Variants in GALNT13 observed in about 807,000 individuals in gnomAD.
GALNT13 encodes polypeptide N-acetylgalactosaminyltransferase 13.
A neutral mutation model predicts 64.2 loss-of-function variants in GALNT13; 28 were observed. The ratio of observed to expected loss-of-function variants is 0.44; its 90% CI spans 0.32 to 0.60. The LOEUF (loss-of-function observed/expected upper bound fraction) is 0.60, where lower values mean the gene tolerates loss of function less well. Among genes scored for constraint, GALNT13 ranks in the 20% least tolerant of loss-of-function variants. GALNT13 has a pLI of 0.05. For synonymous variants in GALNT13, 214 were observed against 224.6 expected, an observed-to-expected ratio of 0.95 and a Z score of 0.42; for missense variants, 577 against 669.8, an observed-to-expected ratio of 0.86 and a Z score of 1.53.
At position 154,152,567 on chromosome 2, in the gene GALNT13, C is replaced by T. The variant is rs1204083658; in HGVS notation, c.311+12062C>T. Among the ~76,000 whole-genome samples, 5 of 152,122 alleles carry T rather than the reference C, an allele frequency of 3.3e-5. No individual in the cohort carries two copies. In the East Asian group the frequency reaches 9.6e-4, roughly 29 times the overall value. ...ATTCACCCCGTCACTTTCAGGTACA[C>T]CAATCAAACGTAGGTTTGGTCTTTT... On this transcript the variant is annotated intron_variant, in intron 4 of 12. Transcript: ENST00000392825.
chr2:154,228,970 C>T (rs1688772361), intron 4 of GALNT13, among the ~76,000 whole-genome samples: 1 of 152,074 alleles, frequency 6.6e-6, no homozygotes, highest in Non-Finnish European at 1.5e-5. Context: ...TCACTACCTG[C>T]TACCAAACTC....
intron 3 of GALNT13, among the ~76,000 whole-genome samples, chr2:154,104,003 C>A (rs1317726221): frequency 6.6e-6 from 1 of 152,136 alleles, no homozygotes; most frequent in Non-Finnish European, 1.5e-5. Context: ...TCCCTGACCC[C>A]TGATTGGAGT....
At chr2:153,958,146 G>T (rs1198702900) in intron 3 of GALNT13, among the ~76,000 whole-genome samples, 1 of 152,142 alleles carries the variant, frequency 6.6e-6, no homozygotes, top group East Asian at 1.9e-4. Flanking sequence ...ATAGGCTGAG[G>T]CTAGTTGGAT....
intron 4 of GALNT13, among the ~76,000 whole-genome samples, chr2:154,163,450 G>A (rs1207248642): frequency 6.6e-6 from 1 of 152,024 alleles, no homozygotes; most frequent in Non-Finnish European, 1.5e-5. Flanking sequence ...ACTACCATCA[G>A]AGAATACTAT....
intron 11 of GALNT13, among the ~76,000 whole-genome samples, chr2:154,429,105 A>G (rs541103516): frequency 1.1e-4 from 16 of 152,200 alleles, no homozygotes; most frequent in Non-Finnish European, 2.2e-4. Context: ...CTGAAACACA[A>G]CAATATTGAA....
chr2:154,423,712 T>C (rs1344207942), intron 11 of GALNT13, among the ~76,000 whole-genome samples: 1 of 152,228 alleles, frequency 6.6e-6, no homozygotes, highest in African/African-American at 2.4e-5. Flanking sequence ...AAGAATTTCA[T>C]ATAAGTTTTG....
At chr2:154,221,644 A>C (rs979852414) in intron 4 of GALNT13, among the ~76,000 whole-genome samples, 1 of 152,106 alleles carries the variant, frequency 6.6e-6, no homozygotes, top group Non-Finnish European at 1.5e-5. Context: ...CAGATTCCAA[A>C]GACAACTTGT....
chr2:153,818,391 C>A, the GALNT13 span, among the ~76,000 whole-genome samples: 1 of 152,178 alleles, frequency 6.6e-6, no homozygotes, highest in Non-Finnish European at 1.5e-5. Context: ...CCTGACTACC[C>A]CGCTGTTTCT....
chr2:153,163,979 C>T, the GALNT13 span, among the ~76,000 whole-genome samples: 94 of 148,666 alleles, frequency 6.3e-4, no homozygotes, highest in South Asian at 1.7e-3. Flanking sequence ...GATCGCGCCA[C>T]TGCACTCCAG....
chr2:153,683,259 A>G, the GALNT13 span, among the ~76,000 whole-genome samples: 2 of 151,764 alleles, frequency 1.3e-5, no homozygotes, highest in African/African-American at 4.8e-5. Context: ...AGCACTTCAT[A>G]AAGTGATTGG....
chr2:153,669,455 C>T, the GALNT13 span, among the ~76,000 whole-genome samples: 1 of 152,152 alleles, frequency 6.6e-6, no homozygotes. Flanking sequence ...ACTCATGACA[C>T]ACAATTTACC....
the GALNT13 span, among the ~76,000 whole-genome samples, chr2:153,183,541 G>A: frequency 6.6e-6 from 1 of 152,076 alleles, no homozygotes; most frequent in East Asian, 1.9e-4. Flanking sequence ...TGAAATCTTT[G>A]CCTGTGCCTA....
chr2:154,438,659 A>G lies in GALNT13; in HGVS notation c.1463A>G (p.Asn488Ser), dbSNP rs546095562. The G allele has an allele frequency of 1.6e-5, 25 of 1,611,778 alleles. No homozygotes were observed. The East Asian group carries it at 1.8e-4, about 12-fold the overall frequency. The change falls in exon 12 of 13, where the codon AAT becomes AGT. Residue 488 changes from asparagine (N) to serine (S), a missense_variant. Coordinates refer to ENST00000392825, the MANE Select transcript of GALNT13 (RefSeq NM_052917.4). The part of the protein sequence containing the change: ...DDLCLDVSRL[N>S]GPVIMLKCHH... ...TTGTGCTTGGATGTTTCTAGACTCA[A>G]TGGACCTGTAATCATGTTAAAATGC... is the stretch of plus-strand genomic sequence containing the variant.
chr2:154,105,181 G>C (rs1434029452), intron 3 of GALNT13, among the ~76,000 whole-genome samples: 1 of 151,550 alleles, frequency 6.6e-6, no homozygotes, highest in East Asian at 1.9e-4. Context: ...TTGGCACTCT[G>C]CCCTCAGCTT....
the GALNT13 span, among the ~76,000 whole-genome samples, chr2:153,397,224 T>C: frequency 6.6e-6 from 1 of 152,198 alleles, no homozygotes; most frequent in African/African-American, 2.4e-5. Context: ...TTCTTATTTC[T>C]GGTTGTGGGA....
intron 9 of GALNT13, among the ~76,000 whole-genome samples, chr2:154,380,080 TA>T (rs1326690431): frequency 2.6e-5 from 4 of 152,122 alleles, no homozygotes; most frequent in African/African-American, 9.7e-5. Flanking sequence ...TGAAATACTT[TA>T]AAGTTTTTAT....
the GALNT13 span, among the ~76,000 whole-genome samples, chr2:153,129,589 A>G: frequency 2.0e-5 from 3 of 152,306 alleles, no homozygotes; most frequent in South Asian, 6.2e-4. Flanking sequence ...TCTGGCTAAC[A>G]TAGTGAAACC....
Position 153,885,866 on chromosome 2 carries a change from G to A in GALNT13, c.-177+13563G>A, listed in dbSNP as rs192654878. On this transcript the variant is annotated intron_variant, in intron 1 of 12. Coordinates refer to ENST00000392825, the MANE Select transcript of GALNT13 (RefSeq NM_052917.4). ...ATTCCTAATTAACGTGAGCATATGGGTAGTTCCCACAAAAAAATTTACTAA... is the reference window on the plus strand; with the variant it reads ...ATTCCTAATTAACGTGAGCATATGGATAGTTCCCACAAAAAAATTTACTAA... 2.0e-5 allele frequency among the ~76,000 whole-genome samples: 3 copies of A among 152,132 alleles called. No homozygotes were observed. The East Asian group carries it at 5.8e-4, about 29-fold the overall frequency.
At chr2:154,041,667 G>A (rs948992278) in intron 3 of GALNT13, among the ~76,000 whole-genome samples, 1 of 140,582 alleles carries the variant, frequency 7.1e-6, no homozygotes, top group Admixed American at 7.1e-5. Flanking sequence ...ACAGACAAAA[G>A]AATTTATATA....
Sources: gnomAD v4.1 joint callset for allele counts (sites outside exome capture counted in the v4.1 genomes callset) on GRCh38, gnomAD v4.1.1 for gene constraint, MANE v1.5 for transcripts, NCBI Gene and HGNC (gene_info 2026-07-23, HGNC 2026-07-21) for gene names.